Variants in CNN3 observed in about 807,000 individuals in gnomAD.
CNN3 encodes calponin 3.
A neutral mutation model predicts 39.0 loss-of-function variants in CNN3; 11 were observed. The ratio of observed to expected loss-of-function variants is 0.28; its 90% CI spans 0.18 to 0.47. The LOEUF is 0.47. Ranked by LOEUF, CNN3 falls within the 20% of genes least tolerant of loss-of-function variation. CNN3 has a pLI of 0.99. For synonymous variants in CNN3, 101 were observed against 138.3 expected (o/e 0.73, Z 1.89); for missense variants, 266 against 403.4 (o/e 0.66, Z 2.92).
At chr1:94,915,588 C>G (rs1571530683) in intron 1 of CNN3, among the ~76,000 whole-genome samples, 1 of 152,222 alleles carries the variant, frequency 6.6e-6, no homozygotes, top group East Asian at 1.9e-4. Flanking sequence ...AGTGCTATGC[C>G]CCAACACAAA....
intron 1 of CNN3, 23 bp from the exon 2 acceptor site, chr1:94,903,547 T>G: frequency 6.2e-7 from 1 of 1,613,208 alleles, no homozygotes; most frequent in Non-Finnish European, 8.5e-7. Context: ...TTAACTCACT[T>G]TAGAAGAATT....
At chr1:94,901,999 A>G in intron 4 of CNN3, 122 bp downstream of exon 4, 1 of 858,166 alleles carries the variant, frequency 1.2e-6, no homozygotes, top group Non-Finnish European at 1.9e-6. Flanking sequence ...CCACAAAGCT[A>G]CTAATTACAG....
intron 1 of CNN3, among the ~76,000 whole-genome samples, chr1:94,914,873 A>C (rs917641614): frequency 6.6e-6 from 1 of 152,130 alleles, no homozygotes. Flanking sequence ...AAAGTAGGAT[A>C]GAATTTCCCA....
intron 1 of CNN3, among the ~76,000 whole-genome samples, chr1:94,919,368 T>A (rs939092630): frequency 6.6e-6 from 1 of 152,172 alleles, no homozygotes; most frequent in Non-Finnish European, 1.5e-5. Context: ...TACACTCAAT[T>A]AGAAGCAGAA....
chr1:94,905,859 C>A (rs1372810972), intron 1 of CNN3, among the ~76,000 whole-genome samples: 1 of 152,146 alleles, frequency 6.6e-6, no homozygotes, highest in Non-Finnish European at 1.5e-5. Context: ...CCACCCCCTG[C>A]CTCCATTACT....
At chr1:94,907,817 G>T (rs1218439176) in intron 1 of CNN3, among the ~76,000 whole-genome samples, 1 of 152,320 alleles carries the variant, frequency 6.6e-6, no homozygotes, top group East Asian at 1.9e-4. Flanking sequence ...CTGAGATGGT[G>T]CCACTGCACT....
intron 6 of CNN3, 61 bp from the exon 7 acceptor site, chr1:94,898,144 T>C (rs1331661525): frequency 4.8e-6 from 7 of 1,447,924 alleles, no homozygotes; most frequent in Non-Finnish European, 6.6e-6. Flanking sequence ...TTGTGAATAA[T>C]TTATAAATTA....
Position 94,899,324 on chromosome 1 carries a change from A to T in CNN3, c.648+47T>A, listed in dbSNP as rs778930332. 4 of 1,548,126 alleles carry T rather than the reference A, an allele frequency of 2.6e-6. No homozygotes were observed. In the South Asian group the frequency reaches 4.9e-5, roughly 19 times the overall value. On this transcript the variant is annotated intron_variant, in intron 6 of 6. Coordinates refer to ENST00000370206, the MANE Select transcript of CNN3 (RefSeq NM_001839.5). ...CTACTTTAAACTTCTGGTTAATAAA[A>T]ATAAGGTAAGTGTACTCTTGTACAC... is the stretch of plus-strand genomic sequence containing the variant.
chr1:94,909,044 G>A (rs1160400712), intron 1 of CNN3, among the ~76,000 whole-genome samples: 1 of 151,960 alleles, frequency 6.6e-6, no homozygotes, highest in Admixed American at 6.6e-5. Flanking sequence ...CACTTTGGGA[G>A]GCCAAGGCAG....
At chr1:94,910,532 A>G (rs990870707) in intron 1 of CNN3, among the ~76,000 whole-genome samples, 1 of 152,160 alleles carries the variant, frequency 6.6e-6, no homozygotes. Context: ...TATCTCATGC[A>G]AGGACAATGA....
At chr1:94,911,846 G>C (rs1671174758) in intron 1 of CNN3, among the ~76,000 whole-genome samples, 1 of 152,188 alleles carries the variant, frequency 6.6e-6, no homozygotes, top group Admixed American at 6.5e-5. Flanking sequence ...GAGGCAGATG[G>C]ATCACCTGAG....
chr1:94,906,428 A>C, intron 1 of CNN3, among the ~76,000 whole-genome samples: 1 of 152,222 alleles, frequency 6.6e-6, no homozygotes, highest in African/African-American at 2.4e-5. Flanking sequence ...GTACTCCTCA[A>C]GCATTAACTA....
chr1:94,909,428 A>C (rs932265444), intron 1 of CNN3, among the ~76,000 whole-genome samples: 1 of 152,180 alleles, frequency 6.6e-6, no homozygotes, highest in African/African-American at 2.4e-5. Context: ...AAGGTTAAGA[A>C]ACACTGAGAT....
rs1670812686 is a variant in CNN3, at chr1:94,899,591, T to G, written c.502-74A>C. On this transcript the variant is annotated intron_variant, in intron 5 of 6. Coordinates refer to ENST00000370206, the MANE Select transcript of CNN3 (RefSeq NM_001839.5). Reference sequence around the variant, plus strand: ...TACACAACACAAACAAAACTTTCCATGCTACCAAAAAGACAGAAGGGGCAC... The same window carrying G: ...TACACAACACAAACAAAACTTTCCAGGCTACCAAAAAGACAGAAGGGGCAC... 3 of 1,495,328 alleles carry G rather than the reference T, an allele frequency of 2.0e-6. 1 individual carries two copies. The South Asian group carries it at 3.9e-5, about 19-fold the overall frequency. 92.6% of individuals were successfully genotyped at this position (1,495,328 alleles called of 1,614,324 possible). A position where few individuals can be genotyped will look rare whatever the true frequency, so the allele number is the denominator to read the frequency against.
chr1:94,911,410 A>G (rs533812067), intron 1 of CNN3, among the ~76,000 whole-genome samples: 2 of 152,346 alleles, frequency 1.3e-5, no homozygotes, highest in Admixed American at 1.3e-4. Flanking sequence ...TTCCCCTCCA[A>G]ATGTCTATAA....
At chr1:94,903,739 G>A (rs370086627) in intron 1 of CNN3, among the ~76,000 whole-genome samples, 4 of 152,266 alleles carry the variant, frequency 2.6e-5, no homozygotes, top group South Asian at 2.1e-4. Flanking sequence ...ATTTTGAACA[G>A]ACCATGGAGA....
Position 94,903,169 on chromosome 1 carries a change from G to A in CNN3, c.199C>T (p.Pro67Ser), listed in dbSNP as rs758618767. ...ILCELINKLQ[P>S]GSVKKVNESS... is the part of the protein sequence containing the mutation. Reference sequence around the variant, plus strand: ...TCGTTGACCTTCTTCACTGAGCCTGGCTGTAGCTTGTTTATAAGTCTGAAA... The same window carrying A: ...TCGTTGACCTTCTTCACTGAGCCTGACTGTAGCTTGTTTATAAGTCTGAAA... Residue 67 changes from proline (P) to serine (S), a missense_variant, in exon 3 of 7, where the codon CCA becomes TCA. By Grantham distance (74) the Pro-to-Ser change is moderately conservative. Coordinates refer to ENST00000370206, the MANE Select transcript of CNN3 (RefSeq NM_001839.5). 15 of 1,612,932 alleles carry A rather than the reference G, an allele frequency of 9.3e-6. No homozygotes were observed. Among genetic ancestry groups the A allele is most frequent in the Middle Eastern group, 1.6e-4 (1 of 6,062 alleles).
At chr1:94,899,567 A>G (rs1196073080) in intron 5 of CNN3, 50 bp from the exon 6 acceptor site, 1 of 1,568,898 alleles carries the variant, frequency 6.4e-7, no homozygotes, top group Non-Finnish European at 8.7e-7. Flanking sequence ...TCAACAATAT[A>G]CACAACACAA....
In CNN3 at chr1:94,926,051, C is replaced by T. The variant is rs866065001; in HGVS notation, c.57+787G>A. The stretch of plus-strand genomic sequence containing the variant: ...GAGCGTCACCAAATCCCAATCGCTC[C>T]AAACTATAAGCCGCCTCAGCAAACA... On this transcript the variant is annotated intron_variant, in intron 1 of 6. Coordinates refer to ENST00000370206, the MANE Select transcript of CNN3 (RefSeq NM_001839.5). This position sits in a 1 kb window ranked among gnomAD's most constrained non-coding sequence, Gnocchi z 4.2. Among the ~76,000 whole-genome samples the T allele has an allele frequency of 5.3e-5, 8 of 152,296 alleles. No individual in the cohort carries two copies. Among genetic ancestry groups the T allele is most frequent in the African/African-American group, 1.7e-4 (7 of 41,566 alleles).
Sources: gnomAD v4.1 joint callset for allele counts (sites outside exome capture counted in the v4.1 genomes callset) on GRCh38, gnomAD v4.1.1 for gene constraint, Gnocchi (gnomAD v3.1) non-coding constraint, MANE v1.5 for transcripts, NCBI Gene and HGNC (gene_info 2026-07-23, HGNC 2026-07-21) for gene names.